The following SKIC3 variants were observed in gnomAD, a reference collection of about 807,000 sequenced individuals.
SKIC3 encodes SKI3 subunit of superkiller complex.
At chr5:95,502,858 T>C in the SKIC3 span, 4 of 1,611,878 alleles carry the variant, frequency 2.5e-6, no homozygotes, top group South Asian at 1.1e-5. Context: ...TCATGTTAAG[T>C]GTTGATGTCA....
the SKIC3 span, chr5:95,464,772 C>G: frequency 9.4e-7 from 1 of 1,060,020 alleles, no homozygotes; most frequent in Non-Finnish European, 1.4e-6. Context: ...CCAAGGGCGG[C>G]AGTCTTGAAA....
the SKIC3 span, chr5:95,464,555 G>A: frequency 2.1e-3 from 2,895 of 1,374,774 alleles, 11 homozygotes; most frequent in Admixed American, 3.7e-3. Flanking sequence ...TTGATTCATT[G>A]CTTCATTCTT....
the SKIC3 span, chr5:95,509,616 C>T: frequency 9.3e-6 from 15 of 1,613,540 alleles, 1 homozygote; most frequent in South Asian, 1.3e-4. Context: ...TTTGCTGCTT[C>T]CTTTTTCAGT....
At chr5:95,509,574 CA>C in the SKIC3 span, 1 of 1,566,042 alleles carries the variant, frequency 6.4e-7, no homozygotes, top group Non-Finnish European at 8.8e-7. Flanking sequence ...CTGCATCTAT[CA>C]CAATTAAATG....
At chr5:95,514,990 A>T in the SKIC3 span, 2 of 1,474,028 alleles carry the variant, frequency 1.4e-6, no homozygotes, top group Non-Finnish European at 1.9e-6. Flanking sequence ...GCTTATGTTT[A>T]AAAAGCATAA....
At chr5:95,548,044 TA>T in the SKIC3 span, among the ~76,000 whole-genome samples, 6 of 152,242 alleles carry the variant, frequency 3.9e-5, no homozygotes, top group East Asian at 1.2e-3. Flanking sequence ...CATTTAGTCT[TA>T]AGATATATTA....
chr5:95,505,005 T>TA, the SKIC3 span, among the ~76,000 whole-genome samples: 5 of 147,332 alleles, frequency 3.4e-5, no homozygotes, highest in Non-Finnish European at 3.0e-5. Flanking sequence ...AACTCCATCT[T>TA]AAAAAAAAAA....
the SKIC3 span, among the ~76,000 whole-genome samples, chr5:95,474,530 C>T: frequency 1.3e-5 from 2 of 152,198 alleles, no homozygotes; most frequent in African/African-American, 4.8e-5. Context: ...ATTTGACCCT[C>T]CTCTCTAGCT....
chr5:95,470,688 A>C, the SKIC3 span, among the ~76,000 whole-genome samples: 2 of 152,282 alleles, frequency 1.3e-5, no homozygotes, highest in Non-Finnish European at 2.9e-5. Context: ...AAAGGTATTA[A>C]ATCAAAGTAA....
chr5:95,520,081 G>A, the SKIC3 span, among the ~76,000 whole-genome samples: 78 of 152,030 alleles, frequency 5.1e-4, no homozygotes, highest in African/African-American at 1.8e-3. Flanking sequence ...ATGTTTAAGA[G>A]TTACAAAAAA....
chr5:95,478,984 G>A, the SKIC3 span, among the ~76,000 whole-genome samples: 1 of 152,018 alleles, frequency 6.6e-6, no homozygotes, highest in Non-Finnish European at 1.5e-5. Context: ...CACCACTTTT[G>A]ACATTGTATT....
At chr5:95,477,964 T>C in the SKIC3 span, among the ~76,000 whole-genome samples, 1 of 152,258 alleles carries the variant, frequency 6.6e-6, no homozygotes, top group Admixed American at 6.5e-5. Context: ...ATGTTCACTA[T>C]ACACATTTTT....
chr5:95,484,340 CTTTTTTTTTTT>C, the SKIC3 span, among the ~76,000 whole-genome samples: 16 of 119,916 alleles, frequency 1.3e-4, no homozygotes, highest in African/African-American at 4.1e-4. Context: ...ATGCATTCCT[CTTTTTTTTTTT>C]TTTTTTTTTT....
the SKIC3 span, chr5:95,498,503 C>G: frequency 6.2e-7 from 1 of 1,614,188 alleles, no homozygotes; most frequent in Non-Finnish European, 8.5e-7. Context: ...TCATTAAGTG[C>G]TGCTTTTGAC....
At chr5:95,485,142 A>C in the SKIC3 span, among the ~76,000 whole-genome samples, 1 of 152,220 alleles carries the variant, frequency 6.6e-6, no homozygotes, top group African/African-American at 2.4e-5. Flanking sequence ...TTGATGTAAA[A>C]TAAGCTGCAC....
chr5:95,491,170 A>C, the SKIC3 span: 1 of 1,297,184 alleles, frequency 7.7e-7, no homozygotes, highest in Non-Finnish European at 1.1e-6. Flanking sequence ...TTCTCAAAGG[A>C]AAATTAAATT....
the SKIC3 span, chr5:95,512,468 G>T: frequency 6.2e-7 from 1 of 1,612,968 alleles, no homozygotes; most frequent in Non-Finnish European, 8.5e-7. Context: ...TATATAACAG[G>T]TACCTTACCT....
chr5:95,485,818 C>T, the SKIC3 span, among the ~76,000 whole-genome samples: 1 of 152,140 alleles, frequency 6.6e-6, no homozygotes, highest in Admixed American at 6.5e-5. Flanking sequence ...TAGATAATCA[C>T]ACTTCAGATA....
At chr5:95,530,082 C>T in the SKIC3 span, 5 of 1,612,452 alleles carry the variant, frequency 3.1e-6, no homozygotes, top group Non-Finnish European at 3.4e-6. Flanking sequence ...ATACACTGTA[C>T]ATTTACCTTC....
Sources: gnomAD v4.1 joint callset for allele counts (sites outside exome capture counted in the v4.1 genomes callset) on GRCh38, gnomAD v4.1.1 for gene constraint, MANE v1.5 for transcripts, NCBI Gene and HGNC (gene_info 2026-07-23, HGNC 2026-07-21) for gene names.